Variants in ZNF250 observed in about 807,000 individuals in gnomAD.
ZNF250 encodes the protein zinc finger protein (clone 647).
A neutral mutation model predicts 37.1 loss-of-function variants in ZNF250; 13 were observed. That is an observed-to-expected ratio of 0.35 (90% CI 0.23 to 0.56). ZNF250 has a LOEUF of 0.56. ZNF250 is among the 20% of genes least tolerant of loss of function. ZNF250 has a pLI of 0.87. For missense variants in ZNF250, 474 were observed against 697.9 expected (o/e 0.68, Z 3.61); for synonymous variants, 251 against 265.6 (o/e 0.94, Z 0.54).
chr8:144,888,934 A>T (rs1832109676), intron 4 of ZNF250, among the ~76,000 whole-genome samples: 1 of 151,900 alleles, frequency 6.6e-6, no homozygotes, highest in African/African-American at 2.4e-5. Context: ...ATGCCCGGCT[A>T]ATTTTTTGTA....
chr8:144,886,788 G>A (rs1412648199), intron 5 of ZNF250, 52 bp downstream of exon 5: 1 of 1,542,796 alleles, frequency 6.5e-7, no homozygotes, highest in African/African-American at 1.4e-5. Flanking sequence ...AAACATTAGT[G>A]TTAACACCTT....
Position 144,882,907 on chromosome 8 carries a change from T to C in ZNF250, c.347-71A>G. The C allele has an allele frequency of 2.0e-6, 3 of 1,530,684 alleles. No individual in the cohort carries two copies. Among genetic ancestry groups the C allele is most frequent in the Non-Finnish European group, 2.6e-6 (3 of 1,140,214 alleles). The allele number at this position is 1,530,684 out of a possible 1,614,324, so 94.8% of individuals were successfully genotyped here. On this transcript the variant is annotated intron_variant, in intron 5 of 5. Coordinates refer to ENST00000417550, the MANE Select transcript of ZNF250 (RefSeq NM_001109689.4). The surrounding 1 kb of genome is among the most constrained non-coding windows in gnomAD (Gnocchi z 5.5). ...TGAAGAGCTAGTGCAACCCTGAAAC[T>C]GGCCTTGCTGATGAAGGTGCAAAAT...
rs1174756099 is a variant in ZNF250, at chr8:144,882,711, G to C, written c.472C>G (p.Gln158Glu). 3.1e-6 allele frequency: 5 copies of C among 1,613,886 alleles called. No homozygotes were observed. The highest frequency in any genetic ancestry group is 4.2e-6 in the Non-Finnish European group (5 of 1,179,904). Residue 158 changes from glutamine (Q) to glutamate (E), a missense_variant, in exon 6 of 6, where the codon CAA becomes GAA. By Grantham distance (29) the Gln-to-Glu change is conservative. Coordinates refer to ENST00000417550, the MANE Select transcript of ZNF250 (RefSeq NM_001109689.4). The surrounding 1 kb of genome is among the most constrained non-coding windows in gnomAD (Gnocchi z 5.5). ...RIDQENNETK[Q>E]SFCLSPNSVD... ...GAGTTTGGACTCAGACAGAAGCTTT[G>C]CTTTGTTTCATTATTTTCTTGATCA...
intron 3 of ZNF250, 65 bp from the exon 4 acceptor site, chr8:144,889,759 C>A: frequency 1.3e-6 from 2 of 1,533,620 alleles, no homozygotes; most frequent in Admixed American, 1.8e-5. Flanking sequence ...CCTGCCCAAG[C>A]CACTTGTGGG....
In ZNF250 at chr8:144,881,640, A is replaced by G; in HGVS notation, c.1543T>C (p.Ser515Pro). The change falls in exon 6 of 6, where the codon TCA (serine) becomes CCA (proline). Residue 515 changes from serine to proline, a missense_variant. By Grantham distance (74) the Ser-to-Pro change is moderately conservative. Around this residue, in one of 2 missense-constraint regions of ZNF250, gnomAD observed 282 missense variants for 470.4 expected, o/e 0.60. Coordinates refer to ENST00000417550, the MANE Select transcript of ZNF250 (RefSeq NM_001109689.4). ...ATCCGCTGGTGCTGGATGAGCACTGAGTACTGGCTGAAGGCCTTCCCGCAG... is the reference window on the plus strand; with the variant it reads ...ATCCGCTGGTGCTGGATGAGCACTGGGTACTGGCTGAAGGCCTTCCCGCAG... ...NSCGKAFSQYSVLIQHQRIHT... is the reference protein window; with the variant it reads ...NSCGKAFSQYPVLIQHQRIHT... The G allele has an allele frequency of 6.2e-7, 1 of 1,613,746 alleles. No homozygotes were observed. The highest frequency in any genetic ancestry group is 8.5e-7 in the Non-Finnish European group (1 of 1,179,878).
chr8:144,898,126 G>A (rs747036811), intron 1 of ZNF250, among the ~76,000 whole-genome samples: 3 of 152,002 alleles, frequency 2.0e-5, no homozygotes, highest in Non-Finnish European at 2.9e-5. Context: ...GTGAAACCCC[G>A]TCTCTTCTAA....
chr8:144,886,586 C>T (rs1831897877), intron 5 of ZNF250, among the ~76,000 whole-genome samples: 1 of 152,058 alleles, frequency 6.6e-6, no homozygotes, highest in Admixed American at 6.5e-5. Context: ...TAAAAGGAAA[C>T]AAAATGATTT....
Position 144,880,510 on chromosome 8 carries a change from T to G in ZNF250, c.*1005A>C, listed in dbSNP as rs1831395119. 2 of 456,618 alleles carry G rather than the reference T, an allele frequency of 4.4e-6. No individual in the cohort carries two copies. Among genetic ancestry groups the G allele is most frequent in the Admixed American group, 2.4e-5 (1 of 42,552 alleles). The allele number at this position is 456,618 out of a possible 1,614,324, so 28.3% of individuals were successfully genotyped here. ...GGAAAATACCCATTTTTGAGTTGAA[T>G]TTTTACTAAAAAGTTAGCATAACCT... On this transcript the variant is annotated 3_prime_UTR_variant, in exon 6 of 6. Transcript: ENST00000417550.
chr8:144,899,769 G>C (rs1289158666), intron 1 of ZNF250, among the ~76,000 whole-genome samples: 1 of 152,136 alleles, frequency 6.6e-6, no homozygotes, highest in African/African-American at 2.4e-5. Flanking sequence ...AAATGGCTAT[G>C]ATTTAGAGGA....
rs372358345 is a variant in ZNF250, at chr8:144,900,432, T to G, written c.-55+967A>C. ...AAGGGTGTGCGTGCGTGCCTAAAGC[T>G]CTAACGGCATTCAAAAATTCTGAAA... On this transcript the variant is annotated intron_variant, in intron 1 of 5. Coordinates refer to ENST00000417550, the MANE Select transcript of ZNF250 (RefSeq NM_001109689.4). Among the ~76,000 whole-genome samples, 15 of 152,288 alleles carry G rather than the reference T, an allele frequency of 9.8e-5. No individual in the cohort carries two copies. The East Asian group carries it at 2.3e-3, about 23-fold the overall frequency.
Position 144,882,947 on chromosome 8 carries a change from G to A in ZNF250, c.347-111C>T, listed in dbSNP as rs992569873. The stretch of plus-strand genomic sequence containing the variant: ...AGGTGCAAAATCCCTCAATGCACAC[G>A]TTGGTGTGAGCTACAGAAGAACAGA... On this transcript the variant is annotated intron_variant, in intron 5 of 5. Transcript: ENST00000417550. The surrounding 1 kb of genome is among the most constrained non-coding windows in gnomAD (Gnocchi z 5.5). 21 of 1,172,194 alleles carry A rather than the reference G, an allele frequency of 1.8e-5. No homozygotes were observed. The highest frequency in any genetic ancestry group is 1.7e-4 in the African/African-American group (11 of 65,190). 72.6% of individuals were successfully genotyped at this position (1,172,194 alleles called of 1,614,324 possible).
chr8:144,898,213 C>T (rs1456115404), intron 1 of ZNF250, among the ~76,000 whole-genome samples: 1 of 152,128 alleles, frequency 6.6e-6, no homozygotes, highest in East Asian at 1.9e-4. Flanking sequence ...ATGAGAATTG[C>T]TTGAACCTGG....
At chr8:144,892,560 G>T (rs1052021257) in intron 1 of ZNF250, among the ~76,000 whole-genome samples, 18 of 146,266 alleles carry the variant, frequency 1.2e-4, no homozygotes, top group Non-Finnish European at 2.0e-4. Context: ...TTTTTTGTTT[G>T]TTTTTTTTTT....
rs1018652357 is a variant in ZNF250, at chr8:144,876,983, C to T, written c.*4532G>A. ...CAGTCATTACTTTTTTATTGGAAAG[C>T]GTCAGATTATACACAGAAATTCCAG... On this transcript the variant is annotated 3_prime_UTR_variant, in exon 6 of 6. Coordinates refer to ENST00000417550, the MANE Select transcript of ZNF250 (RefSeq NM_001109689.4). 5 of 152,116 alleles carry T rather than the reference C, an allele frequency of 3.3e-5. No homozygotes were observed. The highest frequency in any genetic ancestry group is 5.9e-5 in the Non-Finnish European group (4 of 68,026). 9.4% of individuals were successfully genotyped at this position (152,116 alleles called of 1,614,324 possible). A position where few individuals can be genotyped will look rare whatever the true frequency, so the allele number is the denominator to read the frequency against.
rs1220884028 is a variant in ZNF250 at position 144,882,434 on chromosome 8, T to C, written c.749A>G (p.Tyr250Cys). The part of the protein sequence containing the change: ...HRRIHTGEKP[Y>C]ECNECGKAFR... ...GGCTTTTCCACACTCATTACACTCA[T>C]AGGGCTTCTCACCTGTGTGAATTCT... Residue 250 changes from tyrosine to cysteine, a missense_variant, in exon 6 of 6, where the codon TAT (tyrosine) becomes TGT (cysteine). Tyr to Cys is a radical substitution (Grantham distance 194, BLOSUM62 -2). Coordinates refer to ENST00000417550, the MANE Select transcript of ZNF250 (RefSeq NM_001109689.4). This position sits in a 1 kb window ranked among gnomAD's most constrained non-coding sequence, Gnocchi z 5.5. 1 of 1,614,094 alleles carries C rather than the reference T, an allele frequency of 6.2e-7. No individual in the cohort carries two copies. The highest frequency in any genetic ancestry group is 8.5e-7 in the Non-Finnish European group (1 of 1,180,018).
At position 144,878,879 on chromosome 8, in the gene ZNF250, A is replaced by C. The variant is rs1267670990; in HGVS notation, c.*2636T>G. ...GAAGTAAACCTCAGTGGTCAGAGCT[A>C]CTCTGCAGTACCCACTAGTGATGTC... is the stretch of plus-strand genomic sequence containing the variant. On this transcript the variant is annotated 3_prime_UTR_variant, in exon 6 of 6. Coordinates refer to ENST00000417550, the MANE Select transcript of ZNF250 (RefSeq NM_001109689.4). 2 of 152,152 alleles carry C rather than the reference A, an allele frequency of 1.3e-5. No homozygotes were observed. The highest frequency in any genetic ancestry group is 2.4e-5 in the African/African-American group (1 of 41,412). 9.4% of individuals were successfully genotyped at this position (152,152 alleles called of 1,614,324 possible). A position where few individuals can be genotyped will look rare whatever the true frequency, so the allele number is the denominator to read the frequency against.
chr8:144,890,933 C>A lies in ZNF250; in HGVS notation c.-54-530G>T, dbSNP rs913756422. On this transcript the variant is annotated intron_variant, in intron 1 of 5. Transcript: ENST00000417550. This position sits in a 1 kb window ranked among gnomAD's most constrained non-coding sequence, Gnocchi z 5.1. ...GCCCCAATGTGGCACCAGGTTCAAC[C>A]AGGTATTTGAAGGGGAGGCATGGAA... Among the ~76,000 whole-genome samples the A allele has an allele frequency of 5.3e-5, 8 of 152,188 alleles. No individual in the cohort carries two copies. The highest frequency in any genetic ancestry group is 1.5e-5 in the Non-Finnish European group (1 of 68,028).
rs956565314 is a variant in ZNF250 at position 144,889,664 on chromosome 8, G to T, written c.200C>A (p.Ser67Tyr). Residue 67 changes from serine to tyrosine, a missense_variant, in exon 4 of 6, where the codon TCC becomes TAC. Ser to Tyr is a moderately radical substitution (Grantham distance 144). Transcript: ENST00000417550. ...GLPGSKPDIISQLERGEDPWV... is the reference protein window; with the variant it reads ...GLPGSKPDIIYQLERGEDPWV... ...GGGATCTTCCCCTCGCTCCAGCTGG[G>T]AGATTATGTCAGGCTTGGATCCTGG... 1 of 1,613,842 alleles carries T rather than the reference G, an allele frequency of 6.2e-7. No individual in the cohort carries two copies. Among genetic ancestry groups the T allele is most frequent in the African/African-American group, 1.3e-5 (1 of 74,932 alleles).
rs374796462 is a variant in ZNF250, at chr8:144,881,586, C to T, written c.1597G>A (p.Gly533Arg). The T allele has an allele frequency of 1.6e-5, 26 of 1,613,566 alleles. No homozygotes were observed. The highest frequency in any genetic ancestry group is 2.2e-5 in the East Asian group (1 of 44,878). ...IHTGEKPYEC[G>R]ECGRAFNQHG... ...TGGTTGAAGGCACGCCCACACTCCC[C>T]GCACTCATAGGGCTTCTCGCCTGTG... Residue 533 changes from glycine to arginine, a missense_variant, in exon 6 of 6, where the codon GGG becomes AGG. Around this residue, in one of 2 missense-constraint regions of ZNF250, gnomAD observed 282 missense variants for 470.4 expected, o/e 0.60. Coordinates refer to ENST00000417550, the MANE Select transcript of ZNF250 (RefSeq NM_001109689.4).
Sources: gnomAD v4.1 joint callset for allele counts (sites outside exome capture counted in the v4.1 genomes callset) on GRCh38, gnomAD v4.1.1 for gene constraint, gnomAD v4.1.1 regional missense constraint, Gnocchi (gnomAD v3.1) non-coding constraint, MANE v1.5 for transcripts, NCBI Gene and HGNC (gene_info 2026-07-23, HGNC 2026-07-21) for gene names.